The following GPALPP1 variants were observed in gnomAD, a reference collection of about 807,000 sequenced individuals.
GPALPP1 encodes the protein GPALPP motifs containing 1.
GPALPP1 carries 30 observed loss-of-function variants against 38.9 expected under a neutral mutation model. That is an observed-to-expected ratio of 0.77 (90% confidence interval 0.58 to 1.05). The LOEUF (loss-of-function observed/expected upper bound fraction) is 1.05. Among genes scored for constraint, GPALPP1 ranks in the 50% least tolerant of loss-of-function variants. The probability of loss-of-function intolerance (pLI) is 0.00; values close to 1 mark genes in which losing one functional copy is unlikely to be tolerated. For synonymous variants in GPALPP1, 120 were observed against 139.2 expected (o/e 0.86, Z 0.97); for missense variants, 384 against 408.8 (o/e 0.94, Z 0.52).
rs770372269 is a variant in GPALPP1 at position 44,989,718 on chromosome 13, G to A, written c.64G>A (p.Asp22Asn). The A allele has an allele frequency of 8.7e-6, 14 of 1,610,242 alleles. No homozygotes were observed. In the Admixed American group the frequency reaches 1.7e-4, roughly 19 times the overall value. Residue 22 changes from aspartate (D) to asparagine (N), a missense_variant, in exon 1 of 8, where the codon GAC becomes AAC. Coordinates refer to ENST00000379151, the MANE Select transcript of GPALPP1 (RefSeq NM_018559.5). ...PGFKARGTAE[D>N]EERDPSPVAG... ...CTTCAAGGCCCGCGGAACAGCGGAG[G>A]ACGAAGAGCGGGACCCGAGCCCTGG... is the stretch of plus-strand genomic sequence containing the variant.
At position 45,006,230 on chromosome 13, in the gene GPALPP1, G is replaced by C. The variant is rs138421508; in HGVS notation, c.250G>C (p.Asp84His). ...RKQRKNQDDD[D>H]DDDDGFFGPA... ...ACAGAGGAAAAATCAGGATGATGAC[G>C]ATGATGATGATGATGGGTTTTTTGG... Residue 84 changes from aspartate to histidine, a missense_variant, in exon 3 of 8, where the codon GAT (aspartate) becomes CAT (histidine). Transcript: ENST00000379151. 9 of 1,583,294 alleles carry C rather than the reference G, an allele frequency of 5.7e-6. No individual in the cohort carries two copies. Among genetic ancestry groups the C allele is most frequent in the Non-Finnish European group, 7.8e-6 (9 of 1,156,582 alleles).
At position 45,029,414 on chromosome 13, in the gene GPALPP1, G is replaced by A. The variant is rs1315176288; in HGVS notation, c.*1411G>A. The A allele has an allele frequency of 6.6e-6, 1 of 152,184 alleles. No homozygotes were observed. Among genetic ancestry groups the A allele is most frequent in the Non-Finnish European group, 1.5e-5 (1 of 68,040 alleles). 9.4% of individuals were successfully genotyped at this position (152,184 alleles called of 1,614,324 possible). A position where few individuals can be genotyped will look rare whatever the true frequency, so the allele number is the denominator to read the frequency against. On this transcript the variant is annotated 3_prime_UTR_variant, in exon 8 of 8. Transcript: ENST00000379151. Reference sequence around the variant, plus strand: ...GAAACATAAAACGAATGTTTTTTATGTAGAACAGAATATTCTATGTGCCTT... The same window carrying A: ...GAAACATAAAACGAATGTTTTTTATATAGAACAGAATATTCTATGTGCCTT...
intron 1 of GPALPP1, among the ~76,000 whole-genome samples, chr13:44,993,699 T>G (rs1436378645): frequency 6.6e-6 from 1 of 151,320 alleles, no homozygotes; most frequent in African/African-American, 2.4e-5. Flanking sequence ...AAAAAAAAAT[T>G]TGAGGAACTA....
rs1333600483 is a variant in GPALPP1 at position 45,028,732 on chromosome 13, G to A, written c.*729G>A. The stretch of plus-strand genomic sequence containing the variant: ...GATTGTGCCATTGCACTCCAGTCTG[G>A]GCAACAAAGTGAGACCTCGTCTCTT... On this transcript the variant is annotated 3_prime_UTR_variant, in exon 8 of 8. Transcript: ENST00000379151. The A allele has an allele frequency of 6.6e-6, 1 of 151,484 alleles. No individual in the cohort carries two copies. The highest frequency in any genetic ancestry group is 2.4e-5 in the African/African-American group (1 of 41,156). The allele number at this position is 151,484 out of a possible 1,614,324, so 9.4% of individuals were successfully genotyped here. A position where few individuals can be genotyped will look rare whatever the true frequency, so the allele number is the denominator to read the frequency against.
At chr13:45,013,863 G>A (rs897141435) in intron 4 of GPALPP1, among the ~76,000 whole-genome samples, 3 of 152,102 alleles carry the variant, frequency 2.0e-5, no homozygotes, top group South Asian at 4.1e-4. Flanking sequence ...TGGATAAAAT[G>A]TGCACCATTT....
chr13:44,999,803 CTCT>C (rs1477088668), intron 1 of GPALPP1, among the ~76,000 whole-genome samples: 1 of 152,176 alleles, frequency 6.6e-6, no homozygotes, highest in African/African-American at 2.4e-5. Flanking sequence ...TGGTCTTGAT[CTCT>C]TGACCTCATG....
chr13:45,028,599 A>G lies in GPALPP1; in HGVS notation c.*596A>G, dbSNP rs1002552328. The G allele has an allele frequency of 1.3e-5, 2 of 152,456 alleles. No individual in the cohort carries two copies. The highest frequency in any genetic ancestry group is 6.5e-5 in the Admixed American group (1 of 15,278). 9.4% of individuals were successfully genotyped at this position (152,456 alleles called of 1,614,324 possible). On this transcript the variant is annotated 3_prime_UTR_variant, in exon 8 of 8. Transcript: ENST00000379151. ...CTTAAGATGGTGAGACCCCGTATCTACAAAAAACTAACCAGGTGCAGTGGA... is the reference window on the plus strand; with the variant it reads ...CTTAAGATGGTGAGACCCCGTATCTGCAAAAAACTAACCAGGTGCAGTGGA...
chr13:45,014,985 G>A lies in GPALPP1; in HGVS notation c.442G>A (p.Gly148Arg). The A allele has an allele frequency of 6.2e-7, 1 of 1,606,198 alleles. No homozygotes were observed. Among genetic ancestry groups the A allele is most frequent in the Non-Finnish European group, 8.5e-7 (1 of 1,174,602 alleles). ...CAGCAGTGAAGATGAGGATATTATT[G>A]GACCAATGCCTGCAAAAGGACCAGT... ...TDSSEDEDII[G>R]PMPAKGPVNY... Residue 148 changes from glycine (G) to arginine (R), a missense_variant, in exon 5 of 8, where the codon GGA (glycine) becomes AGA (arginine). Gly to Arg is a moderately radical substitution (Grantham distance 125). Coordinates refer to ENST00000379151, the MANE Select transcript of GPALPP1 (RefSeq NM_018559.5).
chr13:45,008,801 A>G lies in GPALPP1; in HGVS notation c.330A>G (p.Ile110Met), dbSNP rs878907863. The G allele has an allele frequency of 2.6e-6, 4 of 1,545,534 alleles. No individual in the cohort carries two copies. Among genetic ancestry groups the G allele is most frequent in the Non-Finnish European group, 1.8e-6 (2 of 1,117,924 alleles). Residue 110 changes from isoleucine to methionine, a missense_variant, in exon 4 of 8, where the codon ATA (isoleucine) becomes ATG (methionine). By Grantham distance (10) the Ile-to-Met change is conservative. Coordinates refer to ENST00000379151, the MANE Select transcript of GPALPP1 (RefSeq NM_018559.5). Reference protein sequence around the residue: ...KKQDDSPPRPIIGPALPPGFI... With the variant: ...KKQDDSPPRPMIGPALPPGFI... ...AGTACATTTTATTTTTCAGGCCCATAATAGGTCCTGCATTGCCACCTGGTT... is the reference window on the plus strand; with the variant it reads ...AGTACATTTTATTTTTCAGGCCCATGATAGGTCCTGCATTGCCACCTGGTT...
intron 4 of GPALPP1, among the ~76,000 whole-genome samples, chr13:45,014,061 C>T (rs185390607): frequency 6.6e-6 from 1 of 152,288 alleles, no homozygotes; most frequent in East Asian, 1.9e-4. Context: ...TTGCAGGCAT[C>T]ATCCTACCAG....
At chr13:45,014,489 C>CA (rs1052677193) in intron 4 of GPALPP1, among the ~76,000 whole-genome samples, 66 of 149,632 alleles carry the variant, frequency 4.4e-4, no homozygotes, top group African/African-American at 1.4e-3. Context: ...AAGTTTCCTC[C>CA]AAAAAAAAAG....
At chr13:45,034,762 A>T, downstream of GPALPP1, 1 of 134,372 alleles carries the variant, frequency 7.4e-6, no homozygotes. Flanking sequence ...TTTGAGACAG[A>T]GTCTCCCTCT....
intron 1 of GPALPP1, among the ~76,000 whole-genome samples, chr13:44,991,500 G>A (rs995705292): frequency 4.6e-5 from 7 of 151,960 alleles, no homozygotes; most frequent in African/African-American, 1.7e-4. Context: ...ACTTCTCTTC[G>A]TCAAGCACAA....
intron 1 of GPALPP1, chr13:44,990,046 A>T: frequency 2.0e-6 from 1 of 512,264 alleles, no homozygotes; most frequent in Non-Finnish European, 3.4e-6. Context: ...CGTATAAGAA[A>T]AAAACTATTT....
At chr13:45,002,900 T>C (rs1873797583) in intron 1 of GPALPP1, among the ~76,000 whole-genome samples, 1 of 152,226 alleles carries the variant, frequency 6.6e-6, no homozygotes, top group Non-Finnish European at 1.5e-5. Flanking sequence ...AATGTCTTTT[T>C]CTCAGAGAGA....
rs535835899 is a variant in GPALPP1 at position 44,996,343 on chromosome 13, A to G, written c.88+6601A>G. Among the ~76,000 whole-genome samples the G allele has an allele frequency of 2.0e-5, 3 of 151,744 alleles. No homozygotes were observed. In the South Asian group the frequency reaches 6.2e-4, roughly 32 times the overall value. On this transcript the variant is annotated intron_variant, in intron 1 of 7. Transcript: ENST00000379151. ...GCACTCCAGCCTGAGTGTTAAAACAAGACCTTGTCGCAAAAAAAAAAAAAA... is the reference window on the plus strand; with the variant it reads ...GCACTCCAGCCTGAGTGTTAAAACAGGACCTTGTCGCAAAAAAAAAAAAAA...
Position 45,008,743 on chromosome 13 carries a change from TA to T in GPALPP1, c.324-50del. On this transcript the variant is annotated intron_variant, in intron 3 of 7. Transcript: ENST00000379151. ...TTATTTTTGTGAACTTTTATTCTTA[TA>T]ACTGCTTTTTAAAGTCAGGGAGAAT... The T allele has an allele frequency of 3.2e-6, 3 of 940,846 alleles. No homozygotes were observed. The South Asian group carries it at 4.3e-5, about 13-fold the overall frequency. The allele number at this position is 940,846 out of a possible 1,614,324, so 58.3% of individuals were successfully genotyped here.
At chr13:45,013,034 A>C (rs1186271785) in intron 4 of GPALPP1, among the ~76,000 whole-genome samples, 1 of 152,126 alleles carries the variant, frequency 6.6e-6, no homozygotes, top group African/African-American at 2.4e-5. Flanking sequence ...CTTTATCTTA[A>C]CCTACTTAGT....
At chr13:44,992,143 T>C (rs553399065) in intron 1 of GPALPP1, among the ~76,000 whole-genome samples, 36 of 152,354 alleles carry the variant, frequency 2.4e-4, no homozygotes, top group African/African-American at 8.4e-4. Flanking sequence ...AGAATTCTAG[T>C]TGTTCCACAT....
Sources: gnomAD v4.1 joint callset for allele counts (sites outside exome capture counted in the v4.1 genomes callset) on GRCh38, gnomAD v4.1.1 for gene constraint, MANE v1.5 for transcripts, NCBI Gene and HGNC (gene_info 2026-07-23, HGNC 2026-07-21) for gene names.